Variants in SKAP2 observed in about 807,000 individuals in gnomAD.
The protein encoded by SKAP2 is src kinase associated phosphoprotein 2, also known as src kinase-associated phosphoprotein 2.
Under a neutral mutation model 54.9 loss-of-function variants are expected in SKAP2, and 28 were observed. The observed-to-expected ratio is 0.51, with a 90% CI of 0.38 to 0.70. The LOEUF is 0.70. Among genes scored for constraint, SKAP2 ranks in the 30% least tolerant of loss-of-function variants. The pLI is 0.00. For synonymous variants in SKAP2, 137 were observed against 134.3 expected (o/e 1.02, Z -0.14); for missense variants, 356 against 424.1 (o/e 0.84, Z 1.41).
intron 6 of SKAP2, among the ~76,000 whole-genome samples, chr7:26,728,969 T>C (rs942162935): frequency 3.9e-5 from 6 of 152,150 alleles, no homozygotes; most frequent in South Asian, 4.1e-4. Flanking sequence ...TGAATGCAGG[T>C]GGAAATGCAT....
intron 9 of SKAP2, among the ~76,000 whole-genome samples, chr7:26,714,732 ATGTGTTCG>A (rs1241025956): frequency 6.6e-6 from 1 of 152,202 alleles, no homozygotes; most frequent in African/African-American, 2.4e-5. Context: ...CTATAGATGT[ATGTGTTCG>A]TGTGGCTATG....
At chr7:26,835,473 G>A (rs1179588873) in intron 4 of SKAP2, among the ~76,000 whole-genome samples, 2 of 152,176 alleles carry the variant, frequency 1.3e-5, no homozygotes, top group Non-Finnish European at 2.9e-5. Flanking sequence ...ATCTCCTTAA[G>A]CTGATAAGCA....
intron 9 of SKAP2, among the ~76,000 whole-genome samples, chr7:26,716,575 G>A (rs1342527141): frequency 1.3e-5 from 2 of 152,134 alleles, no homozygotes; most frequent in African/African-American, 2.4e-5. Flanking sequence ...AATAGACTAA[G>A]TTATATTTAT....
intron 4 of SKAP2, among the ~76,000 whole-genome samples, chr7:26,837,696 G>A (rs1246364365): frequency 1.3e-5 from 2 of 152,112 alleles, no homozygotes; most frequent in Non-Finnish European, 2.9e-5. Context: ...TATATTAGGT[G>A]GAGACAGATT....
At chr7:26,661,631 C>CA in the SKAP2 span, among the ~76,000 whole-genome samples, 170 of 152,100 alleles carry the variant, frequency 1.1e-3, no homozygotes, top group Non-Finnish European at 1.3e-3. Context: ...ATGACTTGAT[C>CA]AAAAAATGCA....
At chr7:26,787,705 G>T (rs1783583063) in intron 4 of SKAP2, among the ~76,000 whole-genome samples, 1 of 152,002 alleles carries the variant, frequency 6.6e-6, no homozygotes, top group African/African-American at 2.4e-5. Context: ...AGAGGGAGGG[G>T]GAGGTGCCAC....
intron 3 of SKAP2, 75 bp from the exon 4 acceptor site, chr7:26,844,212 T>C (rs1784878445): frequency 7.1e-6 from 6 of 847,426 alleles, no homozygotes; most frequent in Non-Finnish European, 1.2e-5. Context: ...TTAATGTTAA[T>C]GTTACTTTGT....
intron 4 of SKAP2, among the ~76,000 whole-genome samples, chr7:26,756,771 G>A (rs999324113): frequency 2.0e-5 from 3 of 152,164 alleles, no homozygotes; most frequent in Non-Finnish European, 4.4e-5. Flanking sequence ...TTCCACAATG[G>A]TTGAACTAGT....
At chr7:26,655,477 TA>T in the SKAP2 span, among the ~76,000 whole-genome samples, 1 of 152,174 alleles carries the variant, frequency 6.6e-6, no homozygotes, top group African/African-American at 2.4e-5. Flanking sequence ...ATGAAAAAAA[TA>T]AATTTCCCTC....
chr7:26,784,533 C>A (rs1783498913), intron 4 of SKAP2, among the ~76,000 whole-genome samples: 1 of 152,192 alleles, frequency 6.6e-6, no homozygotes, highest in African/African-American at 2.4e-5. Context: ...GCTCTTCAAC[C>A]AGAATTTGTC....
intron 4 of SKAP2, among the ~76,000 whole-genome samples, chr7:26,796,569 A>G (rs1783784387): frequency 6.6e-6 from 1 of 152,250 alleles, no homozygotes; most frequent in South Asian, 2.1e-4. Flanking sequence ...GGGTTGCTTG[A>G]TATGTACCAT....
chr7:26,825,736 T>C (rs1026504771), intron 4 of SKAP2, among the ~76,000 whole-genome samples: 2 of 152,180 alleles, frequency 1.3e-5, no homozygotes, highest in Non-Finnish European at 2.9e-5. Context: ...CCTCCAGCTC[T>C]TCTCTCTATA....
At chr7:26,730,391 A>G (rs1322124702) in intron 6 of SKAP2, among the ~76,000 whole-genome samples, 1 of 152,222 alleles carries the variant, frequency 6.6e-6, no homozygotes, top group Non-Finnish European at 1.5e-5. Flanking sequence ...TGAACTTCAC[A>G]AATAGCAAAA....
downstream of SKAP2, among the ~76,000 whole-genome samples, chr7:26,663,417 G>T (rs998596724): frequency 9.9e-5 from 15 of 152,068 alleles, no homozygotes; most frequent in African/African-American, 3.6e-4. Flanking sequence ...CACAACAGAA[G>T]TCTTTATGAG....
intron 10 of SKAP2, 52 bp downstream of exon 10, chr7:26,690,233 A>T: frequency 8.1e-7 from 1 of 1,229,802 alleles, no homozygotes; most frequent in Non-Finnish European, 1.2e-6. Flanking sequence ...GGATAAAATG[A>T]AAGTGAACAA....
At chr7:26,738,078 A>G (rs1187337760) in intron 6 of SKAP2, among the ~76,000 whole-genome samples, 1 of 152,174 alleles carries the variant, frequency 6.6e-6, no homozygotes, top group African/African-American at 2.4e-5. Flanking sequence ...ACCTGTGAAC[A>G]GTCACAGCTC....
intron 4 of SKAP2, among the ~76,000 whole-genome samples, chr7:26,743,313 G>A (rs1321262979): frequency 6.6e-6 from 1 of 152,154 alleles, no homozygotes; most frequent in African/African-American, 2.4e-5. Flanking sequence ...TACTATAACT[G>A]TAACTACTAG....
In SKAP2 at chr7:26,668,336, G is replaced by A. The variant is rs1751692617; in HGVS notation, c.*1330C>T. 1 of 152,112 alleles carries A rather than the reference G, an allele frequency of 6.6e-6. No individual in the cohort carries two copies. The highest frequency in any genetic ancestry group is 2.4e-5 in the African/African-American group (1 of 41,412). 9.4% of individuals were successfully genotyped at this position (152,112 alleles called of 1,614,324 possible). ...TTTGACATATGTTAAGGCTACATTGGTATCTCATAGGTATTTTAAACACCT... is the reference window on the plus strand; with the variant it reads ...TTTGACATATGTTAAGGCTACATTGATATCTCATAGGTATTTTAAACACCT... On this transcript the variant is annotated 3_prime_UTR_variant, in exon 13 of 13. Transcript: ENST00000345317.
rs59738260 is a variant in SKAP2 at position 26,788,609 on chromosome 7, C to T, written c.308-48645G>A. Among the ~76,000 whole-genome samples, 1,490 of 152,094 alleles carry T rather than the reference C, an allele frequency of 9.8e-3. 20 individuals carry two copies. Among genetic ancestry groups the T allele is most frequent in the African/African-American group, 0.028 (1,181 of 41,494 alleles). On this transcript the variant is annotated intron_variant, in intron 4 of 12. Transcript: ENST00000345317. ...CCAAACAATGTATTAATCTTATACC[C>T]CTTTATAATAGCTCAAAAGAAAAAT...
Sources: gnomAD v4.1 joint callset for allele counts (sites outside exome capture counted in the v4.1 genomes callset) on GRCh38, gnomAD v4.1.1 for gene constraint, MANE v1.5 for transcripts, NCBI Gene and HGNC (gene_info 2026-07-23, HGNC 2026-07-21) for gene names.